Variants in ZNF330 observed in about 807,000 individuals in gnomAD.
ZNF330 encodes nucleolar atypical zinc finger.
In ZNF330, 31 loss-of-function variants were observed where a neutral mutation model predicts 45.5. The observed-to-expected ratio is 0.68, with a 90% CI of 0.51 to 0.92. The LOEUF (loss-of-function observed/expected upper bound fraction) is 0.92, where lower values mean the gene tolerates loss of function less well. Among genes scored for constraint, ZNF330 ranks in the 40% least tolerant of loss-of-function variants. The pLI is 0.00. For synonymous variants in ZNF330, 138 were observed against 123.2 expected, an observed-to-expected ratio of 1.12 and a Z score of -0.79; for missense variants, 356 against 387.4, an observed-to-expected ratio of 0.92 and a Z score of 0.68.
At chr4:141,232,920 T>G (rs1728994494) in intron 9 of ZNF330, among the ~76,000 whole-genome samples, 1 of 152,018 alleles carries the variant, frequency 6.6e-6, no homozygotes, top group South Asian at 2.1e-4. Context: ...TTTTTTTATT[T>G]TTGTTGAGTC....
chr4:141,230,098 A>G (rs1328961516), intron 6 of ZNF330, 68 bp from the exon 7 acceptor site: 2 of 1,120,540 alleles, frequency 1.8e-6, no homozygotes, highest in Admixed American at 3.9e-5. Flanking sequence ...TCTAAGCAGT[A>G]TTATAGATAT....
At position 141,234,133 on chromosome 4, in the gene ZNF330, G is replaced by A; in HGVS notation, c.*144G>A. On this transcript the variant is annotated 3_prime_UTR_variant, in exon 10 of 10. Coordinates refer to ENST00000262990, the MANE Select transcript of ZNF330 (RefSeq NM_014487.6). ...CACTTAATGGGCCAAGCAATAGGGT[G>A]TAGCGTTTTTATAGAACTGATAATC... 7 of 1,385,638 alleles carry A rather than the reference G, an allele frequency of 5.1e-6. No individual in the cohort carries two copies. Among genetic ancestry groups the A allele is most frequent in the Non-Finnish European group, 6.6e-6 (7 of 1,068,692 alleles). The allele number at this position is 1,385,638 out of a possible 1,614,324, so 85.8% of individuals were successfully genotyped here. A position where few individuals can be genotyped will look rare whatever the true frequency, so the allele number is the denominator to read the frequency against.
At position 141,231,455 on chromosome 4, in the gene ZNF330, G is replaced by A. The variant is rs975855497; in HGVS notation, c.540G>A (p.Arg180=). The A allele has an allele frequency of 6.3e-7, 1 of 1,597,654 alleles. No individual in the cohort carries two copies. Among genetic ancestry groups the A allele is most frequent in the Non-Finnish European group, 8.5e-7 (1 of 1,173,862 alleles). ...TTCCCACAGGTGTTTCATGCAATCG[G>A]CTTGGTCAGCACTCATGTCTCCGTT... ...AETFKCVSCN[R]LGQHSCLRCK... The change falls in exon 8 of 10, where the codon CGG becomes CGA. Residue 180 remains arginine (R), a synonymous_variant. Coordinates refer to ENST00000262990, the MANE Select transcript of ZNF330 (RefSeq NM_014487.6).
Position 141,222,515 on chromosome 4 carries a change from T to G in ZNF330, c.120+24T>G, listed in dbSNP as rs375103227. The G allele has an allele frequency of 1.2e-4, 191 of 1,602,090 alleles. No homozygotes were observed. The highest frequency in any genetic ancestry group is 1.5e-4 in the Non-Finnish European group (171 of 1,175,746). ...TGGTATCAGCTTTTTTTGATATCAG[T>G]TGGTAGTTGGAAAAACTATATACTA... On this transcript the variant is annotated intron_variant, in intron 2 of 9. Coordinates refer to ENST00000262990, the MANE Select transcript of ZNF330 (RefSeq NM_014487.6).
chr4:141,229,608 A>G lies in ZNF330; in HGVS notation c.329A>G (p.His110Arg), dbSNP rs1159502223. Residue 110 changes from histidine (H) to arginine (R), a missense_variant, in exon 6 of 10, where the codon CAT (histidine) becomes CGT (arginine). Physicochemically the swap from His to Arg is conservative, Grantham distance 29. Coordinates refer to ENST00000262990, the MANE Select transcript of ZNF330 (RefSeq NM_014487.6). ...ICDFCEAWVC[H>R]GRKCLSTHAC... Reference sequence around the variant, plus strand: ...GACTTCTGTGAAGCTTGGGTTTGCCATGGTAGGAAATGTCTCAGTACACAT... The same window carrying G: ...GACTTCTGTGAAGCTTGGGTTTGCCGTGGTAGGAAATGTCTCAGTACACAT... 1.2e-6 allele frequency: 2 copies of G among 1,612,998 alleles called. No individual in the cohort carries two copies. The highest frequency in any genetic ancestry group is 1.3e-5 in the African/African-American group (1 of 74,822).
chr4:141,227,132 TTTATTATTA>T (rs956821511), intron 5 of ZNF330, among the ~76,000 whole-genome samples: 16 of 151,404 alleles, frequency 1.1e-4, no homozygotes, highest in Non-Finnish European at 2.4e-4. Flanking sequence ...TTTTTTAAAT[TTTATTATTA>T]TTATTATACT....
Position 141,232,782 on chromosome 4 carries a change from T to G in ZNF330, c.688+140T>G. ...TGTGTTCTTTTAAGCAAGTGGAATTTTACAGCTTAGGAAAATATGTGGGTA... is the reference window on the plus strand; with the variant it reads ...TGTGTTCTTTTAAGCAAGTGGAATTGTACAGCTTAGGAAAATATGTGGGTA... On this transcript the variant is annotated intron_variant, in intron 9 of 9. Transcript: ENST00000262990. 1.1e-5 allele frequency: 5 copies of G among 441,986 alleles called. No individual in the cohort carries two copies. The East Asian group carries it at 1.8e-4, about 16-fold the overall frequency. 27.4% of individuals were successfully genotyped at this position (441,986 alleles called of 1,614,324 possible).
Position 141,231,507 on chromosome 4 carries a change from T to C in ZNF330, c.570+22T>C, listed in dbSNP as rs757870642. 162 of 1,573,324 alleles carry C rather than the reference T, an allele frequency of 1.0e-4. 2 individuals carry two copies. In the Admixed American group the frequency reaches 2.8e-3, roughly 28 times the overall value. ...TAAGGTATACCAATGCGTTTTTTTC[T>C]TTTTAGATTTTGTTTTTAATCTCTA... is the stretch of plus-strand genomic sequence containing the variant. On this transcript the variant is annotated intron_variant, in intron 8 of 9. Coordinates refer to ENST00000262990, the MANE Select transcript of ZNF330 (RefSeq NM_014487.6).
At chr4:141,223,384 A>G (rs998209582) in intron 2 of ZNF330, among the ~76,000 whole-genome samples, 1 of 152,010 alleles carries the variant, frequency 6.6e-6, no homozygotes, top group Non-Finnish European at 1.5e-5. Flanking sequence ...CTCGGGGACA[A>G]TTGGAACCTG....
Position 141,233,966 on chromosome 4 carries a change from CACTATGAGGAACAAGAGA to C in ZNF330, c.945_962del (p.Tyr315_Asn320del). On this transcript the variant is annotated inframe_deletion, in exon 10 of 10. Transcript: ENST00000262990. ...AAGGACCTATGCTAGTGGCTATGCT[CACTATGAGGAACAAGAGA>C]ACTAGGGGAGCTGCTCTGGTGGCCG... 1 of 1,612,914 alleles carries C rather than the reference CACTATGAGGAACAAGAGA, an allele frequency of 6.2e-7. No homozygotes were observed. Among genetic ancestry groups the C allele is most frequent in the Non-Finnish European group, 8.5e-7 (1 of 1,179,352 alleles).
chr4:141,231,542 ACCAGT>A, intron 8 of ZNF330, 57 bp downstream of exon 8: 1 of 1,313,114 alleles, frequency 7.6e-7, no homozygotes, highest in South Asian at 1.4e-5. Context: ...ATACCCCTCC[ACCAGT>A]CCTTGGCTTA....
intron 6 of ZNF330, 55 bp downstream of exon 6, chr4:141,229,752 A>C: frequency 6.2e-7 from 1 of 1,608,198 alleles, no homozygotes; most frequent in Non-Finnish European, 8.5e-7. Flanking sequence ...TTGACTTTGA[A>C]ACATTTTGAA....
In ZNF330 at chr4:141,225,253, A is replaced by T. The variant is rs181871268; in HGVS notation, c.211+576A>T. On this transcript the variant is annotated intron_variant, in intron 4 of 9. Transcript: ENST00000262990. ...TGGAGACTTGTACCCCAAAATGATT[A>T]TACAAAATAAAACTAAATGTTAGCA... Among the ~76,000 whole-genome samples the T allele has an allele frequency of 2.0e-5, 3 of 152,228 alleles. No homozygotes were observed. The East Asian group carries it at 5.8e-4, about 29-fold the overall frequency.
chr4:141,228,761 ACTGAATTGAGATT>A (rs1483676294), intron 5 of ZNF330, among the ~76,000 whole-genome samples: 3 of 152,112 alleles, frequency 2.0e-5, no homozygotes, highest in African/African-American at 7.2e-5. Context: ...ATAATAGAAT[ACTGAATTGAGATT>A]CTGAAATCCT....
intron 5 of ZNF330, 146 bp from the exon 6 acceptor site, chr4:141,229,425 T>C (rs972942894): frequency 3.9e-6 from 4 of 1,012,880 alleles, no homozygotes. Context: ...TTAGAGTGAG[T>C]AGTAAAATGT....
chr4:141,226,545 GATTT>G (rs1728808725), intron 4 of ZNF330, among the ~76,000 whole-genome samples: 1 of 152,066 alleles, frequency 6.6e-6, no homozygotes, highest in African/African-American at 2.4e-5. Flanking sequence ...TCATTTTACA[GATTT>G]ATTAGTAAAT....
chr4:141,228,161 TATC>T (rs988897878), intron 5 of ZNF330, among the ~76,000 whole-genome samples: 2 of 152,158 alleles, frequency 1.3e-5, no homozygotes, highest in Non-Finnish European at 2.9e-5. Context: ...GAGCGAGAAT[TATC>T]ATCTTGTGAA....
intron 4 of ZNF330, among the ~76,000 whole-genome samples, chr4:141,225,987 A>G (rs1728794294): frequency 6.6e-6 from 1 of 152,070 alleles, no homozygotes; most frequent in African/African-American, 2.4e-5. Flanking sequence ...TTTGTTCCTT[A>G]GGAAATCAAG....
intron 1 of ZNF330, among the ~76,000 whole-genome samples, chr4:141,221,673 C>G (rs1315583359): frequency 6.6e-6 from 1 of 151,986 alleles, no homozygotes; most frequent in Non-Finnish European, 1.5e-5. Context: ...CAGAAAACTT[C>G]AGTTTAGAAA....
Sources: gnomAD v4.1 joint callset for allele counts (sites outside exome capture counted in the v4.1 genomes callset) on GRCh38, gnomAD v4.1.1 for gene constraint, MANE v1.5 for transcripts, NCBI Gene and HGNC (gene_info 2026-07-23, HGNC 2026-07-21) for gene names.